CAST: variants seen among roughly 807,000 people sequenced by gnomAD.
CAST encodes calpastatin, also known as MIR583 host.
Under a neutral mutation model 119.6 loss-of-function variants are expected in CAST, and 76 were observed. The observed-to-expected ratio is 0.64, with a 90% CI of 0.53 to 0.77. The LOEUF (loss-of-function observed/expected upper bound fraction) is 0.77, where lower values mean the gene tolerates loss of function less well. CAST is among the 30% of genes least tolerant of loss of function. The pLI, the probability that CAST is intolerant of heterozygous loss-of-function variation, is 0.00. For missense variants in CAST, 953 were observed against 946.5 expected, an observed-to-expected ratio of 1.01 and a Z score of -0.09; for synonymous variants, 319 against 331.6, an observed-to-expected ratio of 0.96 and a Z score of 0.41.
chr5:96,691,473 C>A (rs1343969792), intron 2 of CAST, among the ~76,000 whole-genome samples: 1 of 152,138 alleles, frequency 6.6e-6, no homozygotes, highest in Admixed American at 6.6e-5. Flanking sequence ...CATAATAAAA[C>A]TCATAGAAAA....
Position 96,754,649 on chromosome 5 carries a change from T to A in CAST, c.1627-9T>A, listed in dbSNP as rs1184720992. 6.5e-7 allele frequency: 1 copy of A among 1,548,714 alleles called. No individual in the cohort carries two copies. Among genetic ancestry groups the A allele is most frequent in the Non-Finnish European group, 8.8e-7 (1 of 1,131,668 alleles). The stretch of plus-strand genomic sequence containing the variant: ...ATGCTAACAATGAAAATGGTATAAT[T>A]TTTCTCAGGAGAAGGCCAAAGAAGA... On this transcript the variant is annotated splice_polypyrimidine_tract_variant and intron_variant, in intron 21 of 31. Transcript: ENST00000675179.
chr5:96,757,392 T>G, intron 22 of CAST, 52 bp from the exon 23 acceptor site: 1 of 1,521,924 alleles, frequency 6.6e-7, no homozygotes. Flanking sequence ...GGTTTCATAC[T>G]TTGGATAAAA....
chr5:96,496,333 A>G, the CAST span, among the ~76,000 whole-genome samples: 1 of 152,210 alleles, frequency 6.6e-6, no homozygotes, highest in Non-Finnish European at 1.5e-5. Flanking sequence ...CTTATTGCAC[A>G]GGGGTAGTTG....
At chr5:96,658,836 A>C (rs1321928814), upstream of CAST, among the ~76,000 whole-genome samples, 1 of 152,212 alleles carries the variant, frequency 6.6e-6, no homozygotes, top group Non-Finnish European at 1.5e-5. Context: ...TATGCAGTCC[A>C]TAAGTGGCAG....
At chr5:96,195,155 T>C in the CAST span, among the ~76,000 whole-genome samples, 70 of 152,222 alleles carry the variant, frequency 4.6e-4, no homozygotes, top group Non-Finnish European at 9.8e-4. Flanking sequence ...ACAAAAGCTT[T>C]GGACAATCAG....
the CAST span, chr5:95,961,495 G>A: frequency 4.4e-6 from 6 of 1,351,406 alleles, no homozygotes; most frequent in East Asian, 3.1e-5. Context: ...CGGCTCCGCC[G>A]GCCCCGCACC....
chr5:96,181,881 A>G, the CAST span, among the ~76,000 whole-genome samples: 1 of 152,198 alleles, frequency 6.6e-6, no homozygotes, highest in Admixed American at 6.5e-5. Flanking sequence ...TGTTATATAA[A>G]CATACCGAGG....
chr5:96,036,522 C>A, the CAST span, among the ~76,000 whole-genome samples: 1 of 152,122 alleles, frequency 6.6e-6, no homozygotes, highest in Admixed American at 6.6e-5. Context: ...GGTGCCAGGG[C>A]ACTATCACTG....
At chr5:96,595,377 G>A (rs1373714956) in intron 1 of CAST, among the ~76,000 whole-genome samples, 5 of 152,180 alleles carry the variant, frequency 3.3e-5, no homozygotes, top group Non-Finnish European at 7.3e-5. Context: ...CAGGAATTAC[G>A]TGGAGAGTTT....
the CAST span, among the ~76,000 whole-genome samples, chr5:96,304,982 T>C: frequency 1.3e-5 from 2 of 152,214 alleles, no homozygotes; most frequent in African/African-American, 4.8e-5. Flanking sequence ...TCCAATTCTG[T>C]GAAGAAAGTC....
chr5:96,259,442 C>T, the CAST span, among the ~76,000 whole-genome samples: 2 of 152,298 alleles, frequency 1.3e-5, no homozygotes, highest in South Asian at 4.1e-4. Context: ...CACTCTTGAA[C>T]TGAGTAACAT....
At chr5:96,018,959 T>C in the CAST span, among the ~76,000 whole-genome samples, 4 of 152,208 alleles carry the variant, frequency 2.6e-5, no homozygotes, top group Non-Finnish European at 5.9e-5. Flanking sequence ...TAAACGAGCT[T>C]GGGTGCTTGT....
chr5:96,539,695 T>A (rs1037308905), intron 1 of CAST, among the ~76,000 whole-genome samples: 1 of 152,150 alleles, frequency 6.6e-6, no homozygotes, highest in Non-Finnish European at 1.5e-5. Flanking sequence ...TAAAAGTGAG[T>A]TTCCTTGTAT....
At chr5:96,655,450 C>T (rs1349672350) in intron 1 of CAST, among the ~76,000 whole-genome samples, 1 of 152,086 alleles carries the variant, frequency 6.6e-6, no homozygotes, top group Non-Finnish European at 1.5e-5. Flanking sequence ...GAAAACTGGA[C>T]AAGAAGAAAT....
intron 1 of CAST, among the ~76,000 whole-genome samples, chr5:96,558,396 C>CA (rs879657172): frequency 6.6e-6 from 1 of 150,416 alleles, no homozygotes; most frequent in Non-Finnish European, 1.5e-5. Context: ...AAAAACCCTT[C>CA]AAAAAAATCA....
At chr5:96,592,148 G>GC (rs1746972657) in intron 1 of CAST, among the ~76,000 whole-genome samples, 1 of 152,150 alleles carries the variant, frequency 6.6e-6, no homozygotes, top group Non-Finnish European at 1.5e-5. Flanking sequence ...TGTGGTCCTG[G>GC]CAATTTGGGA....
intron 1 of CAST, among the ~76,000 whole-genome samples, chr5:96,656,254 A>ATTC (rs1434519992): frequency 6.6e-6 from 1 of 152,246 alleles, no homozygotes; most frequent in Non-Finnish European, 1.5e-5. Context: ...CTCTATGCAT[A>ATTC]TTCTGCTTAG....
At chr5:96,592,619 C>T (rs920413448) in intron 1 of CAST, among the ~76,000 whole-genome samples, 57 of 152,048 alleles carry the variant, frequency 3.7e-4, no homozygotes, top group Admixed American at 3.7e-3. Context: ...TTTTTCCAAA[C>T]CTATTTTCCA....
intron 29 of CAST, chr5:96,769,131 G>A (rs25862): frequency 0.42 from 64,073 of 151,998 alleles, 13,868 homozygotes; most frequent in South Asian, 0.47. Context: ...TTATTTTCAG[G>A]AGAGTTAATT....
Sources: allele counts gnomAD v4.1 joint callset (sites outside exome capture counted in the v4.1 genomes callset), GRCh38; gene constraint gnomAD v4.1.1; transcripts MANE v1.5; gene names NCBI Gene and HGNC (gene_info 2026-07-23, HGNC 2026-07-21).